Variants in LIMD1 observed in about 807,000 individuals in gnomAD.
LIMD1 encodes the protein LIM domain containing 1.
LIMD1 carries 23 observed loss-of-function variants against 58.4 expected under a neutral mutation model. That is an observed-to-expected ratio of 0.39 (90% CI 0.28 to 0.56). The LOEUF (loss-of-function observed/expected upper bound fraction) is 0.56, where lower values mean the gene tolerates loss of function less well. LIMD1 is among the 20% of genes least tolerant of loss of function. The probability of loss-of-function intolerance (pLI) is 0.57; values close to 1 mark genes in which losing one functional copy is unlikely to be tolerated. For synonymous variants in LIMD1, 334 were observed against 345.5 expected, an observed-to-expected ratio of 0.97 and a Z score of 0.37; for missense variants, 838 against 855.5, an observed-to-expected ratio of 0.98 and a Z score of 0.25.
At position 45,668,334 on chromosome 3, in the gene LIMD1, G is replaced by T. The variant is rs1697544798; in HGVS notation, c.1619G>T (p.Cys540Phe). The change falls in exon 4 of 8, where the codon TGT becomes TTT. Residue 540 changes from cysteine to phenylalanine, a missense_variant. Transcript: ENST00000273317. ...FQQSADRCFLCGHLIMDMILQ... is the reference protein window; with the variant it reads ...FQQSADRCFLFGHLIMDMILQ... Reference sequence around the variant, plus strand: ...CAGTCGGCTGACAGGTGTTTTCTTTGTGGACATCTGATCATGGACATGGTG... The same window carrying T: ...CAGTCGGCTGACAGGTGTTTTCTTTTTGGACATCTGATCATGGACATGGTG... 6.2e-7 allele frequency: 1 copy of T among 1,612,808 alleles called. No individual in the cohort carries two copies. Among genetic ancestry groups the T allele is most frequent in the South Asian group, 1.1e-5 (1 of 91,008 alleles).
chr3:45,649,448 G>A (rs757354017), intron 2 of LIMD1, among the ~76,000 whole-genome samples: 4 of 151,608 alleles, frequency 2.6e-5, no homozygotes, highest in Middle Eastern at 3.4e-3. Context: ...TTGGGAGGCC[G>A]AGGCGGGCCA....
At chr3:45,617,852 C>T (rs905208272) in intron 1 of LIMD1, among the ~76,000 whole-genome samples, 3 of 152,182 alleles carry the variant, frequency 2.0e-5, no homozygotes, top group Admixed American at 1.3e-4. Context: ...CAAAACCTCC[C>T]CTCAGCTTTA....
chr3:45,611,692 G>A (rs1476757949), intron 1 of LIMD1, among the ~76,000 whole-genome samples: 3 of 152,224 alleles, frequency 2.0e-5, no homozygotes, highest in African/African-American at 7.2e-5. Flanking sequence ...CTGGGAGGTG[G>A]CTTTCCAGGC....
intron 2 of LIMD1, among the ~76,000 whole-genome samples, chr3:45,649,845 TTTG>T (rs1460923354): frequency 6.1e-5 from 7 of 115,406 alleles, no homozygotes; most frequent in Non-Finnish European, 1.1e-4. Context: ...TTGAAGTTTT[TTTG>T]TTTTTTTTTT....
intron 2 of LIMD1, among the ~76,000 whole-genome samples, chr3:45,650,644 A>G (rs1257570527): frequency 6.6e-6 from 1 of 152,064 alleles, no homozygotes; most frequent in Non-Finnish European, 1.5e-5. Context: ...AGCTTCATCC[A>G]TGTCCCCAAA....
chr3:45,676,320 ACT>A (rs1241916654), intron 7 of LIMD1, among the ~76,000 whole-genome samples: 1 of 151,230 alleles, frequency 6.6e-6, no homozygotes. Context: ...TTTTTTTGTA[ACT>A]CCACAATTTA....
Position 45,665,793 on chromosome 3 carries a change from C to G in LIMD1, c.1578+76C>G, listed in dbSNP as rs1226054906. On this transcript the variant is annotated intron_variant, in intron 3 of 7. Coordinates refer to ENST00000273317, the MANE Select transcript of LIMD1 (RefSeq NM_014240.3). ...GGCAGGGGCCTGGGGGGACCTGGGC[C>G]AGCGTGTAGGGAAGCTGCACTGCTG... The G allele has an allele frequency of 5.9e-5, 74 of 1,262,810 alleles. 2 individuals carry two copies. In the South Asian group the frequency reaches 8.5e-4, roughly 15 times the overall value. The allele number at this position is 1,262,810 out of a possible 1,614,324, so 78.2% of individuals were successfully genotyped here.
intron 2 of LIMD1, among the ~76,000 whole-genome samples, chr3:45,641,158 C>T (rs1435995489): frequency 1.3e-5 from 2 of 152,144 alleles, no homozygotes; most frequent in African/African-American, 2.4e-5. Context: ...AGGGCATCCC[C>T]TCCTTCTTAG....
chr3:45,623,420 G>C (rs2125654721), intron 1 of LIMD1, among the ~76,000 whole-genome samples: 1 of 152,128 alleles, frequency 6.6e-6, no homozygotes, highest in East Asian at 1.9e-4. Context: ...GTGGAGGCCA[G>C]GAATCATTTA....
At chr3:45,644,377 A>T (rs2125661174) in intron 2 of LIMD1, among the ~76,000 whole-genome samples, 1 of 152,316 alleles carries the variant, frequency 6.6e-6, no homozygotes, top group South Asian at 2.1e-4. Context: ...ACACATTTTG[A>T]ATGAGTTAAG....
chr3:45,664,500 C>T (rs1369594833), intron 2 of LIMD1, among the ~76,000 whole-genome samples: 1 of 152,186 alleles, frequency 6.6e-6, no homozygotes, highest in African/African-American at 2.4e-5. Flanking sequence ...CCTACAGGAA[C>T]CTACAGGAGG....
At chr3:45,668,506 T>C (rs1415481292) in intron 4 of LIMD1, 150 bp downstream of exon 4, 8 of 577,836 alleles carry the variant, frequency 1.4e-5, no homozygotes, top group East Asian at 9.7e-5. Context: ...ATCCCAGCAC[T>C]TTGGGAGGCC....
Position 45,677,325 on chromosome 3 carries a change from C to T in LIMD1, c.*266C>T, listed in dbSNP as rs575169974. On this transcript the variant is annotated 3_prime_UTR_variant, in exon 8 of 8. Transcript: ENST00000273317. ...GCTCCAGCATGTGCGAGCACATGAC[C>T]TGAGGTTGCATCATAGCACCAAAGG... is the stretch of plus-strand genomic sequence containing the variant. 7.9e-5 allele frequency: 32 copies of T among 402,734 alleles called. No homozygotes were observed. Among genetic ancestry groups the T allele is most frequent in the African/African-American group, 6.3e-4 (31 of 49,552 alleles). The allele number at this position is 402,734 out of a possible 1,614,324, so 24.9% of individuals were successfully genotyped here.
Position 45,614,859 on chromosome 3 carries a change from A to G in LIMD1, c.1408+18572A>G, listed in dbSNP as rs549801956. Among the ~76,000 whole-genome samples, 46 of 150,762 alleles carry G rather than the reference A, an allele frequency of 3.1e-4. No homozygotes were observed. The South Asian group carries it at 9.3e-3, about 30-fold the overall frequency. On this transcript the variant is annotated intron_variant, in intron 1 of 7. Coordinates refer to ENST00000273317, the MANE Select transcript of LIMD1 (RefSeq NM_014240.3). Reference sequence around the variant, plus strand: ...TAGAAAAAAATTGGAAAGGTCACCGATCATCCTACTCTAGGGATAATCACT... The same window carrying G: ...TAGAAAAAAATTGGAAAGGTCACCGGTCATCCTACTCTAGGGATAATCACT...
At chr3:45,601,700 C>CGAG (rs1701414486) in intron 1 of LIMD1, among the ~76,000 whole-genome samples, 1 of 152,106 alleles carries the variant, frequency 6.6e-6, no homozygotes, top group South Asian at 2.1e-4. Context: ...GTTGAGAAAC[C>CGAG]GAGGCCAGAG....
At chr3:45,660,273 TA>T (rs1462814396) in intron 2 of LIMD1, among the ~76,000 whole-genome samples, 1 of 152,130 alleles carries the variant, frequency 6.6e-6, no homozygotes, top group Non-Finnish European at 1.5e-5. Context: ...GGAATGAGTT[TA>T]CCCTGCGGGA....
At chr3:45,626,505 C>T (rs1701669203) in intron 1 of LIMD1, among the ~76,000 whole-genome samples, 2 of 152,040 alleles carry the variant, frequency 1.3e-5, no homozygotes, top group Admixed American at 6.6e-5. Flanking sequence ...GTGTATGATT[C>T]CAAAGATACA....
intron 2 of LIMD1, among the ~76,000 whole-genome samples, chr3:45,656,442 T>C (rs1702027804): frequency 6.6e-6 from 1 of 150,668 alleles, no homozygotes; most frequent in Non-Finnish European, 1.5e-5. Context: ...TCTTTAGCTT[T>C]TGTTTCTCCA....
chr3:45,667,684 C>T (rs181121134), intron 3 of LIMD1, among the ~76,000 whole-genome samples: 223 of 151,872 alleles, frequency 1.5e-3, no homozygotes, highest in African/African-American at 5.2e-3. Flanking sequence ...AAGGCATTAG[C>T]TTTTTAACCA....
Sources: gnomAD v4.1 joint callset for allele counts (sites outside exome capture counted in the v4.1 genomes callset) on GRCh38, gnomAD v4.1.1 for gene constraint, MANE v1.5 for transcripts, NCBI Gene and HGNC (gene_info 2026-07-23, HGNC 2026-07-21) for gene names.